Variants in IL1RAPL2 observed in about 807,000 individuals in gnomAD.
The protein encoded by IL1RAPL2 is interleukin 1 receptor accessory protein like 2.
In IL1RAPL2, 3 loss-of-function variants were observed where a neutral mutation model predicts 44.1. The ratio of observed to expected loss-of-function variants is 0.07; its 90% CI spans 0.03 to 0.18. The LOEUF (loss-of-function observed/expected upper bound fraction) is 0.18. IL1RAPL2 is among the 10% of genes least tolerant of loss of function. IL1RAPL2 has a pLI of 1.00. For synonymous variants in IL1RAPL2, 181 were observed against 178.8 expected, an observed-to-expected ratio of 1.01 and a Z score of -0.10; for missense variants, 391 against 496.4, an observed-to-expected ratio of 0.79 and a Z score of 2.02.
chrX:105,607,228 G>C (rs904941336), intron 6 of IL1RAPL2, among the ~76,000 whole-genome samples: 2 of 109,987 alleles, frequency 1.8e-5, no homozygotes, highest in Non-Finnish European at 3.8e-5. Flanking sequence ...TTTAAAAAAA[G>C]CTTTGTCCCC....
chrX:104,592,072 C>T (rs188798690), intron 1 of IL1RAPL2, among the ~76,000 whole-genome samples: 368 of 105,538 alleles, frequency 3.5e-3, no homozygotes, highest in African/African-American at 0.012. Context: ...TTTTTGTAAA[C>T]TGAAGCAGTG....
At chrX:105,132,943 G>A (rs1354454016) in intron 2 of IL1RAPL2, among the ~76,000 whole-genome samples, 2 of 111,798 alleles carry the variant, frequency 1.8e-5, no homozygotes, top group Admixed American at 1.9e-4. Flanking sequence ...TTAGCTAAAA[G>A]TGTGATATGT....
At chrX:105,587,749 A>C (rs926652555) in intron 6 of IL1RAPL2, among the ~76,000 whole-genome samples, 5 of 111,943 alleles carry the variant, frequency 4.5e-5, no homozygotes, top group Non-Finnish European at 7.5e-5. Flanking sequence ...GTTTTTTAAA[A>C]ATTTCCAGGC....
intron 6 of IL1RAPL2, among the ~76,000 whole-genome samples, chrX:105,542,197 A>G (rs1278019961): frequency 8.9e-6 from 1 of 112,034 alleles, no homozygotes; most frequent in Non-Finnish European, 1.9e-5. Context: ...TTTCCGTAAT[A>G]TTGTATCTGT....
chrX:104,646,229 A>T (rs1261741440), intron 1 of IL1RAPL2, among the ~76,000 whole-genome samples: 3 of 111,037 alleles, frequency 2.7e-5, no homozygotes. Flanking sequence ...ATAGGGATTA[A>T]TATAAATCTA....
At chrX:105,289,407 T>A (rs2034595912) in intron 5 of IL1RAPL2, among the ~76,000 whole-genome samples, 1 of 111,498 alleles carries the variant, frequency 9.0e-6, no homozygotes, top group East Asian at 2.8e-4. Flanking sequence ...GAACATAGAC[T>A]GAAGGGGGCA....
chrX:105,394,291 T>A (rs2035547218), intron 5 of IL1RAPL2, among the ~76,000 whole-genome samples: 1 of 112,376 alleles, frequency 8.9e-6, no homozygotes, highest in South Asian at 3.7e-4. Context: ...GGGCATATGA[T>A]CTTTTCAGAA....
intron 8 of IL1RAPL2, among the ~76,000 whole-genome samples, chrX:105,743,642 GCTT>G (rs2038517839): frequency 9.0e-6 from 1 of 111,141 alleles, no homozygotes; most frequent in Non-Finnish European, 1.9e-5. Context: ...ATATTTGTTT[GCTT>G]CTTGTTTTCT....
At chrX:105,204,358 C>A (rs2033743213) in intron 3 of IL1RAPL2, among the ~76,000 whole-genome samples, 1 of 111,632 alleles carries the variant, frequency 9.0e-6, no homozygotes, top group African/African-American at 3.3e-5. Flanking sequence ...CAAGAGGATT[C>A]TATTGCTATA....
At chrX:104,696,553 A>C (rs758601895) in intron 2 of IL1RAPL2, among the ~76,000 whole-genome samples, 3 of 112,349 alleles carry the variant, frequency 2.7e-5, no homozygotes, top group African/African-American at 6.5e-5. Context: ...CTGTTAGCCA[A>C]AGGCAGAAAC....
At chrX:105,049,238 G>A (rs1236820976) in intron 2 of IL1RAPL2, among the ~76,000 whole-genome samples, 1 of 110,234 alleles carries the variant, frequency 9.1e-6, no homozygotes, top group African/African-American at 3.3e-5. Flanking sequence ...GTAAAGAGTG[G>A]TGAGGAGTGG....
rs777764524 is a variant in IL1RAPL2 at position 104,793,647 on chromosome X, C to A, written c.82+134652C>A. 3.6e-5 allele frequency among the ~76,000 whole-genome samples: 4 copies of A among 111,814 alleles called. No homozygotes were observed. The East Asian group carries it at 8.4e-4, about 23-fold the overall frequency. On this transcript the variant is annotated intron_variant, in intron 2 of 10. Coordinates refer to ENST00000372582, the MANE Select transcript of IL1RAPL2 (RefSeq NM_017416.2). Reference sequence around the variant, plus strand: ...ATGATAGAAATTATAGTTTTTCTAACCAGAATCTCTTAGTGACAACGTATA... The same window carrying A: ...ATGATAGAAATTATAGTTTTTCTAAACAGAATCTCTTAGTGACAACGTATA...
intron 1 of IL1RAPL2, among the ~76,000 whole-genome samples, chrX:104,636,256 G>A (rs1929802817): frequency 8.9e-6 from 1 of 112,076 alleles, no homozygotes; most frequent in East Asian, 2.8e-4. Context: ...TGCCCCTACT[G>A]GAGGGTGCCT....
chrX:105,391,348 A>G (rs768997646), intron 5 of IL1RAPL2, among the ~76,000 whole-genome samples: 1 of 110,692 alleles, frequency 9.0e-6, no homozygotes, highest in Non-Finnish European at 1.9e-5. Context: ...ATGAACAGAC[A>G]CTTCTCAAAA....
At chrX:105,334,605 A>G (rs1335627128) in intron 5 of IL1RAPL2, among the ~76,000 whole-genome samples, 2 of 111,993 alleles carry the variant, frequency 1.8e-5, no homozygotes, top group African/African-American at 6.5e-5. Context: ...ACCTGTGTCA[A>G]AATATCTCAT....
At chrX:104,707,344 G>A (rs907782629) in intron 2 of IL1RAPL2, among the ~76,000 whole-genome samples, 1 of 111,543 alleles carries the variant, frequency 9.0e-6, no homozygotes, top group Non-Finnish European at 1.9e-5. Context: ...AGGCCCTGAT[G>A]GGATAGTTTT....
chrX:105,636,894 A>G (rs1386816337), intron 6 of IL1RAPL2, among the ~76,000 whole-genome samples: 1 of 111,389 alleles, frequency 9.0e-6, no homozygotes, highest in Non-Finnish European at 1.9e-5. Flanking sequence ...GAATTCCCCC[A>G]GGTGTCACAT....
At chrX:105,751,927 C>T (rs1282175583) in intron 9 of IL1RAPL2, among the ~76,000 whole-genome samples, 1 of 111,844 alleles carries the variant, frequency 8.9e-6, no homozygotes, top group Non-Finnish European at 1.9e-5. Flanking sequence ...TAACCATATG[C>T]TTTTTCTTCA....
chrX:104,609,510 T>C (rs1929099413), intron 1 of IL1RAPL2, among the ~76,000 whole-genome samples: 1 of 112,517 alleles, frequency 8.9e-6, no homozygotes, highest in Admixed American at 9.4e-5. Context: ...TTTGGTCTCT[T>C]CACATAGTCC....
Sources: gnomAD v4.1 joint callset for allele counts (sites outside exome capture counted in the v4.1 genomes callset) on GRCh38, gnomAD v4.1.1 for gene constraint, MANE v1.5 for transcripts, NCBI Gene and HGNC (gene_info 2026-07-23, HGNC 2026-07-21) for gene names.